The following PHF10 variants were observed in gnomAD, a reference collection of about 807,000 sequenced individuals.
The protein encoded by PHF10 is PHD finger protein 10.
PHF10 carries 51 observed loss-of-function variants against 68.5 expected under a neutral mutation model. That is an observed-to-expected ratio of 0.74 (90% CI 0.59 to 0.94). The LOEUF is 0.94. PHF10 is among the 40% of genes least tolerant of loss of function. The pLI is 0.00. For synonymous variants in PHF10, 204 were observed against 203.5 expected, an observed-to-expected ratio of 1.00 and a Z score of -0.02; for missense variants, 460 against 602.6, an observed-to-expected ratio of 0.76 and a Z score of 2.48.
intron 8 of PHF10, among the ~76,000 whole-genome samples, 169 bp from the exon 9 acceptor site, chr6:169,710,560 AGTTAT>A (rs550938421): frequency 8.4e-4 from 128 of 152,306 alleles, no homozygotes; most frequent in Non-Finnish European, 1.6e-3. Context: ...GACTAAAGTA[AGTTAT>A]GTTAAAAATC....
intron 2 of PHF10, among the ~76,000 whole-genome samples, chr6:169,720,398 C>T (rs1006163225): frequency 6.6e-6 from 1 of 152,084 alleles, no homozygotes; most frequent in African/African-American, 2.4e-5. Flanking sequence ...GGTGGAAACC[C>T]AAATGCCCAT....
In PHF10 at chr6:169,723,866, G is replaced by T; in HGVS notation, c.66C>A (p.Thr22=). Residue 22 remains threonine (T), a synonymous_variant, in exon 1 of 12, where the codon ACC becomes ACA. Transcript: ENST00000339209. ...SPRPCDSDPA[T]PGAQSPKDDN... ...TCACCTTCGGGGACTGCGCTCCGGG[G>T]GTGGCTGGGTCGCTGTCGCACGGCC... 9.1e-7 allele frequency: 1 copy of T among 1,099,734 alleles called. No individual in the cohort carries two copies. The highest frequency in any genetic ancestry group is 1.1e-6 in the Non-Finnish European group (1 of 898,152). 68.1% of individuals were successfully genotyped at this position (1,099,734 alleles called of 1,614,324 possible).
intron 2 of PHF10, chr6:169,719,372 T>G: frequency 6.5e-6 from 1 of 155,022 alleles, no homozygotes; most frequent in Non-Finnish European, 1.4e-5. Context: ...ACCTATTATC[T>G]CAGTGCATCA....
At position 169,723,999 on chromosome 6, in the gene PHF10, G is replaced by GCCGCCA; in HGVS notation, c.-69_-68insTGGCGG. ...CCTTGTCCCGGCCGCCGCCGCCGCT[G>GCCGCCA]CCGCCGCCGCCGCCGCCGCCGCCGC... On this transcript the variant is annotated 5_prime_UTR_variant, in exon 1 of 12. Transcript: ENST00000339209. 1 of 190,900 alleles carries GCCGCCA rather than the reference G, an allele frequency of 5.2e-6. No individual in the cohort carries two copies. Among genetic ancestry groups the GCCGCCA allele is most frequent in the Non-Finnish European group, 8.6e-6 (1 of 115,948 alleles). The allele number at this position is 190,900 out of a possible 1,614,324, so 11.8% of individuals were successfully genotyped here. A position where few individuals can be genotyped will look rare whatever the true frequency, so the allele number is the denominator to read the frequency against.
At chr6:169,707,113 A>C (rs753520029) in intron 9 of PHF10, 5 of 152,212 alleles carry the variant, frequency 3.3e-5, no homozygotes, top group African/African-American at 4.8e-5. Flanking sequence ...AAACAATCAC[A>C]AATGTCTCTA....
intron 11 of PHF10, chr6:169,704,628 G>A (rs1303614395): frequency 1.8e-5 from 3 of 169,360 alleles, no homozygotes; most frequent in South Asian, 4.1e-4. Flanking sequence ...TATTTTATAA[G>A]AGTATTATAC....
intron 1 of PHF10, among the ~76,000 whole-genome samples, chr6:169,721,978 G>A (rs1789189889): frequency 1.3e-5 from 2 of 152,136 alleles, no homozygotes; most frequent in African/African-American, 4.8e-5. Context: ...AGAGCTGGAC[G>A]GCCTGGGTTC....
rs773390719 is a variant in PHF10, at chr6:169,720,991, T to C, written c.194+14A>G. 2 of 1,401,236 alleles carry C rather than the reference T, an allele frequency of 1.4e-6. No homozygotes were observed. The highest frequency in any genetic ancestry group is 2.0e-6 in the Non-Finnish European group (2 of 1,013,188). The allele number at this position is 1,401,236 out of a possible 1,614,324, so 86.8% of individuals were successfully genotyped here. Reference sequence around the variant, plus strand: ...CATCACAAAAAATATTAATAACCGATAAAATGACAGTACCCAAGATCTTGA... The same window carrying C: ...CATCACAAAAAATATTAATAACCGACAAAATGACAGTACCCAAGATCTTGA... On this transcript the variant is annotated intron_variant, in intron 2 of 11. Transcript: ENST00000339209.
Position 169,718,772 on chromosome 6 carries a change from T to G in PHF10, c.325+16A>C, listed in dbSNP as rs1789110938. 2.2e-6 allele frequency: 3 copies of G among 1,390,008 alleles called. No individual in the cohort carries two copies. Among genetic ancestry groups the G allele is most frequent in the African/African-American group, 1.4e-5 (1 of 69,502 alleles). The allele number at this position is 1,390,008 out of a possible 1,614,324, so 86.1% of individuals were successfully genotyped here. On this transcript the variant is annotated intron_variant, in intron 3 of 11. Coordinates refer to ENST00000339209, the MANE Select transcript of PHF10 (RefSeq NM_018288.4). ...TTACTATCAATTATAAATTAATCTA[T>G]TATATAAACTAGTACCTGGATATTT...
intron 8 of PHF10, among the ~76,000 whole-genome samples, chr6:169,711,316 T>G (rs1191854251): frequency 6.6e-6 from 1 of 152,220 alleles, no homozygotes; most frequent in African/African-American, 2.4e-5. Context: ...TGCATTTCTA[T>G]CCTATAAATG....
Position 169,718,778 on chromosome 6 carries a change from A to T in PHF10, c.325+10T>A. On this transcript the variant is annotated intron_variant, in intron 3 of 11. Transcript: ENST00000339209. The stretch of plus-strand genomic sequence containing the variant: ...TCAATTATAAATTAATCTATTATAT[A>T]AACTAGTACCTGGATATTTCCTTTT... 1 of 1,473,602 alleles carries T rather than the reference A, an allele frequency of 6.8e-7. No homozygotes were observed. The highest frequency in any genetic ancestry group is 9.4e-7 in the Non-Finnish European group (1 of 1,063,100). 91.3% of individuals were successfully genotyped at this position (1,473,602 alleles called of 1,614,324 possible).
chr6:169,705,101 A>G, intron 11 of PHF10, 32 bp downstream of exon 11: 1 of 1,538,370 alleles, frequency 6.5e-7, no homozygotes, highest in Non-Finnish European at 8.8e-7. Flanking sequence ...TCATCACCCA[A>G]AGATAATGTT....
At chr6:169,704,124 A>G in intron 11 of PHF10, 36 bp from the exon 12 acceptor site, 1 of 1,495,318 alleles carries the variant, frequency 6.7e-7, no homozygotes, top group Non-Finnish European at 9.1e-7. Context: ...ATGAAAAATT[A>G]TCTTTACAGG....
intron 1 of PHF10, among the ~76,000 whole-genome samples, 154 bp from the exon 2 acceptor site, chr6:169,721,265 C>A (rs17860605): frequency 6.6e-6 from 1 of 152,122 alleles, no homozygotes; most frequent in East Asian, 1.9e-4. Context: ...ATGAGCAAGA[C>A]CTGGAATAAA....
At chr6:169,719,166 T>C (rs2128331084) in intron 2 of PHF10, 1 of 296,174 alleles carries the variant, frequency 3.4e-6, no homozygotes, top group East Asian at 7.8e-5. Context: ...GAATCACAAT[T>C]GCTAAGAACG....
intron 1 of PHF10, among the ~76,000 whole-genome samples, chr6:169,722,033 G>C (rs192341861): frequency 3.0e-4 from 45 of 152,284 alleles, no homozygotes; most frequent in Non-Finnish European, 3.1e-4. Flanking sequence ...TATTCTCTGT[G>C]AGCATCTCCT....
chr6:169,712,261 G>T, intron 8 of PHF10, 125 bp downstream of exon 8: 1 of 861,536 alleles, frequency 1.2e-6, no homozygotes, highest in Non-Finnish European at 1.9e-6. Context: ...AACTTTTATT[G>T]ATGAATACTT....
intron 2 of PHF10, among the ~76,000 whole-genome samples, chr6:169,720,723 A>G (rs79175710): frequency 0.017 from 2,589 of 152,310 alleles, 72 homozygotes; most frequent in African/African-American, 0.058. Flanking sequence ...GGATGGTGGT[A>G]ATGGCTGCAC....
chr6:169,710,425 G>A, intron 8 of PHF10, 34 bp from the exon 9 acceptor site: 2 of 1,532,040 alleles, frequency 1.3e-6, no homozygotes, highest in East Asian at 2.3e-5. Context: ...AAGATTCTTT[G>A]GAATTAAGAC....
Sources: allele counts gnomAD v4.1 joint callset (sites outside exome capture counted in the v4.1 genomes callset), GRCh38; gene constraint gnomAD v4.1.1; transcripts MANE v1.5; gene names NCBI Gene and HGNC (gene_info 2026-07-23, HGNC 2026-07-21).